Variants in DOCK4 observed in about 807,000 individuals in gnomAD.
The protein encoded by DOCK4 is dedicator of cytokinesis protein 4.
Under a neutral mutation model 268.1 loss-of-function variants are expected in DOCK4, and 97 were observed. The ratio of observed to expected loss-of-function variants is 0.36; its 90% confidence interval spans 0.31 to 0.43. The LOEUF is 0.43. Among genes scored for constraint, DOCK4 ranks in the 20% least tolerant of loss-of-function variants. DOCK4 has a pLI of 1.00. For missense variants in DOCK4, 2,145 were observed against 2,455.7 expected (o/e 0.87, Z 2.67); for synonymous variants, 954 against 887.2 (o/e 1.08, Z -1.34).
chr7:111,939,514 C>CAA lies in DOCK4; in HGVS notation c.977+594_977+595dup, dbSNP rs55951068. Reference sequence around the variant, plus strand: ...TGGGCAACAGAGCGAGACTCCTTCTCAAAAAAAAAAAAAAAAAAAATTTAC... The same window carrying CAA: ...TGGGCAACAGAGCGAGACTCCTTCTCAAAAAAAAAAAAAAAAAAAAAATTTAC... On this transcript the variant is annotated intron_variant, in intron 11 of 52. Coordinates refer to ENST00000428084, the MANE Select transcript of DOCK4 (RefSeq NM_001363540.2). Among the ~76,000 whole-genome samples, 711 of 80,598 alleles carry CAA rather than the reference C, an allele frequency of 8.8e-3. 4 individuals are homozygous for CAA. The highest frequency in any genetic ancestry group is 0.024 in the African/African-American group (499 of 21,076). The allele number at this position is 80,598 out of a possible 152,430, so 52.9% of individuals were successfully genotyped here.
chr7:112,194,719 G>T (rs927263213), intron 1 of DOCK4, among the ~76,000 whole-genome samples: 8 of 152,154 alleles, frequency 5.3e-5, no homozygotes, highest in Non-Finnish European at 4.4e-5. Context: ...TAGAAAGTAT[G>T]AAATTAAAAA....
intron 26 of DOCK4, among the ~76,000 whole-genome samples, chr7:111,824,707 G>C (rs1387902115): frequency 6.6e-6 from 1 of 152,130 alleles, no homozygotes; most frequent in Non-Finnish European, 1.5e-5. Context: ...CTTTTGTAGT[G>C]CTGGGGACAA....
intron 30 of DOCK4, among the ~76,000 whole-genome samples, chr7:111,802,377 A>G (rs1421533004): frequency 1.3e-5 from 2 of 152,196 alleles, no homozygotes; most frequent in Non-Finnish European, 2.9e-5. Flanking sequence ...AAGTCCAGCC[A>G]CAGAGGCTGT....
rs555284879 is a variant in DOCK4 at position 112,069,026 on chromosome 7, C to A, written c.38-64895G>T. 5.9e-5 allele frequency among the ~76,000 whole-genome samples: 9 copies of A among 152,272 alleles called. No individual in the cohort carries two copies. In the South Asian group the frequency reaches 1.9e-3, roughly 32 times the overall value. ...CTTCACTCCTGTATAAAATGTGCCT[C>A]CCTCAAAGAAGTAAATGTGCTTGAC... On this transcript the variant is annotated intron_variant, in intron 1 of 52. Transcript: ENST00000428084.
intron 12 of DOCK4, among the ~76,000 whole-genome samples, chr7:111,922,768 A>G (rs144276946): frequency 0.039 from 5,924 of 151,968 alleles, 351 homozygotes; most frequent in East Asian, 0.29. Context: ...CTTTTAGTAG[A>G]GACGGGGTTT....
intron 8 of DOCK4, among the ~76,000 whole-genome samples, chr7:111,950,132 G>A (rs146792445): frequency 0.022 from 3,357 of 152,138 alleles, 128 homozygotes; most frequent in African/African-American, 0.077. Context: ...TCACCATGTT[G>A]GCCAGGCTGG....
chr7:112,123,846 C>T (rs1399003033), intron 1 of DOCK4, among the ~76,000 whole-genome samples: 1 of 152,062 alleles, frequency 6.6e-6, no homozygotes, highest in Non-Finnish European at 1.5e-5. Context: ...AAGAATATAT[C>T]CTAAATCTTA....
At chr7:111,880,554 G>A (rs1484151690) in intron 16 of DOCK4, among the ~76,000 whole-genome samples, 1 of 152,134 alleles carries the variant, frequency 6.6e-6, no homozygotes, top group Non-Finnish European at 1.5e-5. Context: ...GAAAAACACA[G>A]AATAGTATAA....
chr7:111,847,840 A>G (rs1030390852), intron 23 of DOCK4, among the ~76,000 whole-genome samples: 5 of 152,188 alleles, frequency 3.3e-5, no homozygotes, highest in Non-Finnish European at 7.4e-5. Flanking sequence ...CAGCACGAAA[A>G]TGGACTAATA....
chr7:111,960,341 G>A (rs1258153842), intron 8 of DOCK4, among the ~76,000 whole-genome samples: 2 of 149,424 alleles, frequency 1.3e-5, no homozygotes, highest in South Asian at 2.1e-4. Context: ...TCCAGCCTGG[G>A]CAACAGAGCG....
Position 111,831,051 on chromosome 7 carries a change from C to T in DOCK4, c.2835+3537G>A, listed in dbSNP as rs544857563. ...ATGTCAGTTATTATTCACTGGCTGACAGTTTCCAGATCTACATCCCATAAC... is the reference window on the plus strand; with the variant it reads ...ATGTCAGTTATTATTCACTGGCTGATAGTTTCCAGATCTACATCCCATAAC... On this transcript the variant is annotated intron_variant, in intron 26 of 52. Coordinates refer to ENST00000428084, the MANE Select transcript of DOCK4 (RefSeq NM_001363540.2). Among the ~76,000 whole-genome samples the T allele has an allele frequency of 2.6e-5, 4 of 152,144 alleles. No individual in the cohort carries two copies. In the East Asian group the frequency reaches 5.8e-4, roughly 22 times the overall value.
intron 27 of DOCK4, among the ~76,000 whole-genome samples, chr7:111,817,661 C>A (rs1404151040): frequency 6.6e-6 from 1 of 152,168 alleles, no homozygotes; most frequent in East Asian, 1.9e-4. Context: ...CCTGCTTGCC[C>A]AAGGACATTG....
rs180882653 is a variant in DOCK4, at chr7:111,972,879, G to C, written c.701+4253C>G. Among the ~76,000 whole-genome samples the C allele has an allele frequency of 5.0e-3, 746 of 150,148 alleles. 8 individuals carry two copies. Among genetic ancestry groups the C allele is most frequent in the African/African-American group, 0.017 (703 of 40,764 alleles). On this transcript the variant is annotated intron_variant, in intron 8 of 52. Coordinates refer to ENST00000428084, the MANE Select transcript of DOCK4 (RefSeq NM_001363540.2). ...CTTTAGTAGTGATTTCTGAGATTTTGGTGCACCCATCACCTGAGCAGTGTA... is the reference window on the plus strand; with the variant it reads ...CTTTAGTAGTGATTTCTGAGATTTTCGTGCACCCATCACCTGAGCAGTGTA...
At chr7:112,034,777 C>G (rs551889761) in intron 1 of DOCK4, among the ~76,000 whole-genome samples, 139 of 152,202 alleles carry the variant, frequency 9.1e-4, no homozygotes, top group Non-Finnish European at 1.6e-3. Context: ...TGGCGTGCAC[C>G]TGTAATCCCG....
chr7:112,122,551 G>A (rs1024778144), intron 1 of DOCK4, among the ~76,000 whole-genome samples: 14 of 152,088 alleles, frequency 9.2e-5, no homozygotes, highest in African/African-American at 3.1e-4. Context: ...GATTACAAGC[G>A]TTAGCCACCA....
intron 13 of DOCK4, among the ~76,000 whole-genome samples, chr7:111,911,186 T>A (rs999211598): frequency 6.6e-6 from 1 of 152,082 alleles, no homozygotes; most frequent in Non-Finnish European, 1.5e-5. Flanking sequence ...GAAGGACACA[T>A]CTAGACAATG....
intron 1 of DOCK4, among the ~76,000 whole-genome samples, chr7:112,133,614 G>A (rs1563117760): frequency 2.0e-5 from 3 of 152,100 alleles, no homozygotes; most frequent in Non-Finnish European, 2.9e-5. Context: ...CTCGCTACTT[G>A]AGGGCTGAGG....
At chr7:111,790,070 G>A (rs1309830804) in intron 31 of DOCK4, among the ~76,000 whole-genome samples, 2 of 152,032 alleles carry the variant, frequency 1.3e-5, no homozygotes, top group African/African-American at 2.4e-5. Context: ...TAAATCAAAT[G>A]CTCAAAGCTA....
At chr7:111,917,050 C>T (rs1792664010) in intron 12 of DOCK4, among the ~76,000 whole-genome samples, 1 of 141,746 alleles carries the variant, frequency 7.1e-6, no homozygotes, top group South Asian at 2.2e-4. Context: ...TACAGTGGCG[C>T]GATCTTGGCT....
Sources: gnomAD v4.1 joint callset for allele counts (sites outside exome capture counted in the v4.1 genomes callset) on GRCh38, gnomAD v4.1.1 for gene constraint, MANE v1.5 for transcripts, NCBI Gene and HGNC (gene_info 2026-07-23, HGNC 2026-07-21) for gene names.